The following TEX15 variants were observed in gnomAD, a reference collection of about 807,000 sequenced individuals.
TEX15 encodes testis expressed 15, meiosis and synapsis associated.
Under a neutral mutation model 237.3 loss-of-function variants are expected in TEX15, and 171 were observed. The ratio of observed to expected loss-of-function variants is 0.72; its 90% CI spans 0.64 to 0.82. The LOEUF (loss-of-function observed/expected upper bound fraction) is 0.82, where lower values mean the gene tolerates loss of function less well. Ranked by LOEUF, TEX15 falls within the 40% of genes least tolerant of loss-of-function variation. TEX15 has a pLI of 0.00. For synonymous variants in TEX15, 1,338 were observed against 1,269.8 expected, an observed-to-expected ratio of 1.05 and a Z score of -1.14; for missense variants, 3,750 against 3,646.5, an observed-to-expected ratio of 1.03 and a Z score of -0.73.
chr8:30,901,392 C>G (rs1397165004), intron 1 of TEX15, among the ~76,000 whole-genome samples: 3 of 152,032 alleles, frequency 2.0e-5, no homozygotes, highest in Admixed American at 6.6e-5. Flanking sequence ...AAAAGGCTTA[C>G]AGAAGAGTTT....
At position 30,842,014 on chromosome 8, in the gene TEX15, T is replaced by C. The variant is rs1450659480; in HGVS notation, c.8153A>G (p.Lys2718Arg). ...QQQDTTVSSC[K>R]KLKVDMKDVT... Reference sequence around the variant, plus strand: ...TTAAAACATACATACCTTTAGCTTTTTACAACTGGAAACAGTAGTATCTTG... The same window carrying C: ...TTAAAACATACATACCTTTAGCTTTCTACAACTGGAAACAGTAGTATCTTG... The change falls in exon 8 of 11, where the codon AAA becomes AGA. Residue 2718 changes from lysine (K) to arginine (R), a missense_variant. Transcript: ENST00000643185. 1.3e-6 allele frequency: 2 copies of C among 1,576,548 alleles called. No homozygotes were observed. The highest frequency in any genetic ancestry group is 1.7e-6 in the Non-Finnish European group (2 of 1,166,690).
Position 30,838,020 on chromosome 8 carries a change from G to C in TEX15, c.8264C>G (p.Pro2755Arg). The C allele has an allele frequency of 6.2e-7, 1 of 1,613,138 alleles. No individual in the cohort carries two copies. Among genetic ancestry groups the C allele is most frequent in the Non-Finnish European group, 8.5e-7 (1 of 1,179,818 alleles). ...TCTTTTCAGACTGTCACATGAACTT[G>C]GTACTATTTTGTTTTCGCTTTTGGG... is the stretch of plus-strand genomic sequence containing the variant. The part of the protein sequence containing the change: ...SHPKSENKIV[P>R]SSCDSLKRNH... The change falls in exon 10 of 11, where the codon CCA becomes CGA. Residue 2755 changes from proline to arginine, a missense_variant. Transcript: ENST00000643185.
rs750782428 is a variant in TEX15, at chr8:30,852,396, T to C, written c.851-3080A>G. ...GTGTGAGCCACCGCGCCTGGCCACA[T>C]TAATTTAATCTTAATAACATTTCCA... On this transcript the variant is annotated intron_variant, in intron 7 of 10. Transcript: ENST00000643185. Among the ~76,000 whole-genome samples, 106 of 152,146 alleles carry C rather than the reference T, an allele frequency of 7.0e-4. 2 individuals are homozygous for C. Among genetic ancestry groups the C allele is most frequent in the Non-Finnish European group, 1.3e-4 (9 of 68,026 alleles).
chr8:30,848,849 C>T lies in TEX15; in HGVS notation c.1318G>A (p.Glu440Lys). 1.2e-6 allele frequency: 2 copies of T among 1,614,158 alleles called. No individual in the cohort carries two copies. Among genetic ancestry groups the T allele is most frequent in the Non-Finnish European group, 1.7e-6 (2 of 1,180,026 alleles). Residue 440 changes from glutamate to lysine, a missense_variant, in exon 8 of 11, where the codon GAA (glutamate) becomes AAA (lysine). Physicochemically the swap from Glu to Lys is moderately conservative, Grantham distance 56. Transcript: ENST00000643185. ...SIKDPRLMRR[E>K]ESMGEQSSTA... is the part of the protein sequence containing the mutation. ...CTACTCTGTTCTCCCATACTTTCTT[C>T]TCTCCTCATCAGTCTTGGGTCTTTG...
chr8:30,874,751 T>C (rs1246783697), intron 4 of TEX15, among the ~76,000 whole-genome samples, 186 bp downstream of exon 4: 2 of 152,148 alleles, frequency 1.3e-5, no homozygotes, highest in Non-Finnish European at 2.9e-5. Flanking sequence ...CATTAATACA[T>C]AAAACTAATC....
chr8:30,880,088 G>A (rs1034247963), intron 3 of TEX15, among the ~76,000 whole-genome samples: 1 of 152,092 alleles, frequency 6.6e-6, no homozygotes, highest in African/African-American at 2.4e-5. Flanking sequence ...GAATGCAGTG[G>A]CGTGAGCTCA....
intron 2 of TEX15, among the ~76,000 whole-genome samples, chr8:30,897,149 G>A (rs1021745060): frequency 3.9e-5 from 6 of 152,322 alleles, no homozygotes; most frequent in South Asian, 2.1e-4. Flanking sequence ...GTCGGCAGAC[G>A]TAGGTATCTT....
chr8:30,842,189 G>GAAT lies in TEX15; in HGVS notation c.7975_7977dup (p.Ile2659dup), dbSNP rs780731049. The GAAT allele has an allele frequency of 3.6e-5, 58 of 1,611,814 alleles. No homozygotes were observed. The highest frequency in any genetic ancestry group is 1.5e-4 in the Admixed American group (9 of 59,716). ...TTATTTTCCCCAGGTTTTACAATAT[G>GAAT]AATATTCATTTTTTCTTTTCTCTTC... is the stretch of plus-strand genomic sequence containing the variant. On this transcript the variant is annotated inframe_insertion, in exon 8 of 11. Coordinates refer to ENST00000643185, the MANE Select transcript of TEX15 (RefSeq NM_001350162.2).
rs1370839580 is a variant in TEX15 at position 30,838,045 on chromosome 8, G to A, written c.8239C>T (p.Pro2747Ser). ...GGTACTATTTTGTTTTCGCTTTTGGGATGAGATCCTGTAGTCCTATTAGGT... is the reference window on the plus strand; with the variant it reads ...GGTACTATTTTGTTTTCGCTTTTGGAATGAGATCCTGTAGTCCTATTAGGT... ...FKHPRTTGSH[P>S]KSENKIVPSS... is the part of the protein sequence containing the mutation. Residue 2747 changes from proline (P) to serine (S), a missense_variant, in exon 10 of 11, where the codon CCC (proline) becomes TCC (serine). Pro to Ser is a moderately conservative substitution (Grantham distance 74). Coordinates refer to ENST00000643185, the MANE Select transcript of TEX15 (RefSeq NM_001350162.2). 2 of 1,611,894 alleles carry A rather than the reference G, an allele frequency of 1.2e-6. No individual in the cohort carries two copies. The highest frequency in any genetic ancestry group is 1.7e-5 in the Admixed American group (1 of 59,626).
At chr8:30,866,320 C>CA (rs1808162836) in intron 5 of TEX15, among the ~76,000 whole-genome samples, 1 of 126,468 alleles carries the variant, frequency 7.9e-6, no homozygotes, top group African/African-American at 2.9e-5. Flanking sequence ...GCAGAAAGGA[C>CA]AAAAAGGGAG....
In TEX15 at chr8:30,842,376, A is replaced by G. The variant is rs142351329; in HGVS notation, c.7791T>C (p.Asn2597=). ...NYNQFSTLLK[N]VMSAPRKDLG... ...AATCTTTCCTAGGGGCAGACATTAC[A>G]TTCTTCAGCAGTGTAGAAAATTGAT... Residue 2597 remains asparagine, a synonymous_variant, in exon 8 of 11, where the codon AAT becomes AAC. Transcript: ENST00000643185. 4.8e-5 allele frequency: 78 copies of G among 1,613,702 alleles called. No homozygotes were observed. The highest frequency in any genetic ancestry group is 1.6e-4 in the Middle Eastern group (1 of 6,078).
At chr8:30,899,625 A>G (rs567656298) in intron 1 of TEX15, among the ~76,000 whole-genome samples, 5 of 152,004 alleles carry the variant, frequency 3.3e-5, no homozygotes, top group Non-Finnish European at 7.4e-5. Flanking sequence ...TAATTTTTGT[A>G]TTTCTAGTAG....
At chr8:30,850,728 T>C (rs141206649) in intron 7 of TEX15, among the ~76,000 whole-genome samples, 5 of 152,182 alleles carry the variant, frequency 3.3e-5, no homozygotes, top group African/African-American at 1.2e-4. Flanking sequence ...AAAAAATGAA[T>C]GGATGTTTTT....
At chr8:30,858,625 C>G in intron 7 of TEX15, 43 bp downstream of exon 7, 1 of 1,452,690 alleles carries the variant, frequency 6.9e-7, no homozygotes, top group Non-Finnish European at 9.2e-7. Context: ...AATTTTAAGA[C>G]CAGCACAAAT....
chr8:30,874,254 C>T (rs773471182), intron 4 of TEX15, among the ~76,000 whole-genome samples: 2 of 152,108 alleles, frequency 1.3e-5, no homozygotes, highest in Non-Finnish European at 2.9e-5. Flanking sequence ...ACATGTGGGT[C>T]TATCAAGCTC....
Position 30,843,903 on chromosome 8 carries a change from G to A in TEX15, c.6264C>T (p.Asn2088=). 8 of 1,611,248 alleles carry A rather than the reference G, an allele frequency of 5.0e-6. No homozygotes were observed. Among genetic ancestry groups the A allele is most frequent in the South Asian group, 1.1e-5 (1 of 90,730 alleles). ...GTTCACCTTCTAAGTGCCTTTTTTTGTTTTCAATGAATTGAATTGTTTCCA... is the reference window on the plus strand; with the variant it reads ...GTTCACCTTCTAAGTGCCTTTTTTTATTTTCAATGAATTGAATTGTTTCCA... ...MMMETIQFIE[N]KKRHLEGEPT... is the part of the protein sequence containing the mutation. Residue 2088 remains asparagine, a synonymous_variant, in exon 8 of 11, where the codon AAC becomes AAT. Coordinates refer to ENST00000643185, the MANE Select transcript of TEX15 (RefSeq NM_001350162.2).
At chr8:30,861,644 G>A (rs1398023223) in intron 5 of TEX15, among the ~76,000 whole-genome samples, 1 of 152,118 alleles carries the variant, frequency 6.6e-6, no homozygotes. Context: ...GTTAACATCA[G>A]AAGAAGCTGG....
chr8:30,872,454 G>C (rs1808310775), intron 4 of TEX15, among the ~76,000 whole-genome samples: 1 of 152,110 alleles, frequency 6.6e-6, no homozygotes, highest in African/African-American at 2.4e-5. Context: ...AAATGACTAT[G>C]TTGTTGGTTT....
Position 30,847,386 on chromosome 8 carries a change from T to C in TEX15, c.2781A>G (p.Arg927=). Residue 927 remains arginine (R), a synonymous_variant, in exon 8 of 11, where the codon AGA becomes AGG. Transcript: ENST00000643185. The part of the protein sequence containing the change: ...EFSTKFNLIC[R]EDNAVSAATA... ...TTGCTGCTGACACTGCATTATCTTC[T>C]CTGCAAATCAAGTTAAATTTAGTAG... The C allele has an allele frequency of 6.2e-7, 1 of 1,613,330 alleles. No individual in the cohort carries two copies. Among genetic ancestry groups the C allele is most frequent in the Non-Finnish European group, 8.5e-7 (1 of 1,179,782 alleles).
Sources: gnomAD v4.1 joint callset for allele counts (sites outside exome capture counted in the v4.1 genomes callset) on GRCh38, gnomAD v4.1.1 for gene constraint, MANE v1.5 for transcripts, NCBI Gene and HGNC (gene_info 2026-07-23, HGNC 2026-07-21) for gene names.